PKD2L2: variants seen among roughly 807,000 people sequenced by gnomAD.
PKD2L2 encodes the protein polycystin-2-like protein 2.
PKD2L2 carries 67 observed loss-of-function variants against 83.9 expected under a neutral mutation model. The ratio of observed to expected loss-of-function variants is 0.80; its 90% CI spans 0.66 to 0.98. PKD2L2 has a LOEUF of 0.98. PKD2L2 is among the 50% of genes least tolerant of loss of function. PKD2L2 has a pLI of 0.00. For synonymous variants in PKD2L2, 223 were observed against 237.8 expected, an observed-to-expected ratio of 0.94 and a Z score of 0.57; for missense variants, 632 against 717.2, an observed-to-expected ratio of 0.88 and a Z score of 1.36.
At chr5:137,942,176 C>A in intron 14 of PKD2L2, 2 of 670,600 alleles carry the variant, frequency 3.0e-6, no homozygotes, top group Non-Finnish European at 5.1e-6. Flanking sequence ...AGCTCCACTG[C>A]AAACCAATGA....
intron 8 of PKD2L2, among the ~76,000 whole-genome samples, chr5:137,918,729 T>C (rs1043040878): frequency 3.3e-5 from 5 of 152,312 alleles, no homozygotes; most frequent in African/African-American, 7.2e-5. Context: ...CCTTCTTCAA[T>C]AGACTCTAGA....
chr5:137,935,600 A>G (rs1215410999), intron 12 of PKD2L2, among the ~76,000 whole-genome samples, 197 bp from the exon 13 acceptor site: 1 of 152,240 alleles, frequency 6.6e-6, no homozygotes, highest in East Asian at 1.9e-4. Context: ...CAGCAATTAC[A>G]CCAATCAAGT....
At chr5:137,893,482 C>A (rs186515976) in intron 3 of PKD2L2, among the ~76,000 whole-genome samples, 1 of 152,128 alleles carries the variant, frequency 6.6e-6, no homozygotes, top group East Asian at 1.9e-4. Flanking sequence ...CACATTGGGG[C>A]ATATAAGGAC....
intron 12 of PKD2L2, among the ~76,000 whole-genome samples, chr5:137,930,102 CG>C (rs1296195649): frequency 6.6e-6 from 1 of 151,902 alleles, no homozygotes; most frequent in Non-Finnish European, 1.5e-5. Flanking sequence ...GAAAAACAAA[CG>C]GATTAAAAAG....
At chr5:137,913,187 T>TC (rs1453504447) in intron 8 of PKD2L2, among the ~76,000 whole-genome samples, 5 of 139,764 alleles carry the variant, frequency 3.6e-5, no homozygotes, top group Non-Finnish European at 7.7e-5. Flanking sequence ...CTTTTTTCTT[T>TC]TTTTTTTTTT....
intron 8 of PKD2L2, among the ~76,000 whole-genome samples, chr5:137,910,599 T>A (rs1757749500): frequency 6.6e-6 from 1 of 151,078 alleles, no homozygotes; most frequent in Non-Finnish European, 1.5e-5. Flanking sequence ...ATGGCGAAAC[T>A]CCGTCTCTAC....
chr5:137,920,300 T>C (rs1171140336), intron 8 of PKD2L2, among the ~76,000 whole-genome samples: 1 of 152,160 alleles, frequency 6.6e-6, no homozygotes, highest in Non-Finnish European at 1.5e-5. Context: ...TGCAAGTTAA[T>C]AATGAGAAAA....
chr5:137,935,332 T>C (rs1243308003), intron 12 of PKD2L2, among the ~76,000 whole-genome samples: 2 of 152,162 alleles, frequency 1.3e-5, no homozygotes, highest in Non-Finnish European at 2.9e-5. Flanking sequence ...AGTACACACA[T>C]TGACTAACCA....
chr5:137,894,754 A>G, intron 4 of PKD2L2, 145 bp downstream of exon 4: 2 of 642,660 alleles, frequency 3.1e-6, no homozygotes, highest in Non-Finnish European at 5.3e-6. Context: ...ATGTGGAGAT[A>G]GCAGTGTTTA....
chr5:137,901,638 G>T (rs1405620979), intron 5 of PKD2L2, among the ~76,000 whole-genome samples: 2 of 152,210 alleles, frequency 1.3e-5, no homozygotes, highest in South Asian at 2.1e-4. Flanking sequence ...CCTGGACAAT[G>T]AGAACTCTTT....
At chr5:137,897,969 ATT>A (rs1239984315) in intron 4 of PKD2L2, among the ~76,000 whole-genome samples, 7 of 145,218 alleles carry the variant, frequency 4.8e-5, no homozygotes, top group African/African-American at 1.0e-4. Flanking sequence ...CAAAAAAAAA[ATT>A]TTTTTTTTTT....
intron 6 of PKD2L2, among the ~76,000 whole-genome samples, chr5:137,906,813 T>C (rs1330705106): frequency 1.3e-5 from 2 of 152,146 alleles, no homozygotes; most frequent in Non-Finnish European, 2.9e-5. Flanking sequence ...CCTAAATCTG[T>C]TTTCCTTCTC....
At position 137,890,523 on chromosome 5, in the gene PKD2L2, T is replaced by G; in HGVS notation, c.74T>G (p.Ile25Ser). Residue 25 changes from isoleucine (I) to serine (S), a missense_variant, in exon 2 of 15, where the codon ATT becomes AGT. Ile to Ser is a moderately radical substitution (Grantham distance 142). This residue lies in a region of PKD2L2 where 229 missense variants were observed against 281.5 expected (regional missense o/e 0.81). Transcript: ENST00000508883. ...TTGCATTACAGAAAGGAAGTAGAAA[T>G]TACAACCACACTTCAGGAATTGTTA... ...HKLHYRKEVE[I>S]TTTLQELLLY... The G allele has an allele frequency of 6.3e-7, 1 of 1,591,310 alleles. No homozygotes were observed. The highest frequency in any genetic ancestry group is 8.6e-7 in the Non-Finnish European group (1 of 1,168,320).
In PKD2L2 at chr5:137,940,945, G is replaced by A. The variant is rs972223683; in HGVS notation, c.*18-1439G>A. 7.9e-5 allele frequency among the ~76,000 whole-genome samples: 12 copies of A among 151,998 alleles called. No homozygotes were observed. The East Asian group carries it at 9.7e-4, about 12-fold the overall frequency. ...TTTTGAGACAGAGCCTTGCTCTGTC[G>A]CCCAGGCTGGAGTGCAGTGGCGACA... On this transcript the variant is annotated intron_variant, in intron 14 of 14. Coordinates refer to ENST00000508883, the MANE Select transcript of PKD2L2 (RefSeq NM_001300921.2).
At chr5:137,935,242 T>A (rs1342273883) in intron 12 of PKD2L2, among the ~76,000 whole-genome samples, 1 of 152,152 alleles carries the variant, frequency 6.6e-6, no homozygotes, top group Non-Finnish European at 1.5e-5. Flanking sequence ...CAGGTGGTAG[T>A]GAGAACAGTG....
intron 14 of PKD2L2, among the ~76,000 whole-genome samples, chr5:137,937,544 A>G (rs1760554184): frequency 6.6e-6 from 1 of 152,204 alleles, no homozygotes; most frequent in African/African-American, 2.4e-5. Flanking sequence ...TCTTAGCCCA[A>G]GCAACATCAT....
At chr5:137,917,641 T>C (rs1758500206) in intron 8 of PKD2L2, among the ~76,000 whole-genome samples, 1 of 152,172 alleles carries the variant, frequency 6.6e-6, no homozygotes, top group African/African-American at 2.4e-5. Flanking sequence ...GTTTTCTCTT[T>C]ATTGATATTT....
chr5:137,894,890 C>A (rs1157966953), intron 4 of PKD2L2, among the ~76,000 whole-genome samples: 1 of 152,170 alleles, frequency 6.6e-6, no homozygotes, highest in Non-Finnish European at 1.5e-5. Flanking sequence ...ATTTTTGCTT[C>A]TAAAATGGTC....
chr5:137,889,628 C>T (rs1364099389), intron 1 of PKD2L2, 106 bp downstream of exon 1: 2 of 972,734 alleles, frequency 2.1e-6, no homozygotes, highest in Non-Finnish European at 2.9e-6. Context: ...ATGTGACTGC[C>T]GACACCTTTA....
Sources: gnomAD v4.1 joint callset for allele counts (sites outside exome capture counted in the v4.1 genomes callset) on GRCh38, gnomAD v4.1.1 for gene constraint, gnomAD v4.1.1 regional missense constraint, MANE v1.5 for transcripts, NCBI Gene and HGNC (gene_info 2026-07-23, HGNC 2026-07-21) for gene names.